The following ABCA13 variants were observed in gnomAD, a reference collection of about 807,000 sequenced individuals.
The protein encoded by ABCA13 is ATP binding cassette subfamily A member 13, also known as ATP-binding cassette sub-family A member 13.
ABCA13 carries 476 observed loss-of-function variants against 478.7 expected under a neutral mutation model. The observed-to-expected ratio is 0.99, with a 90% CI of 0.92 to 1.07. The LOEUF (loss-of-function observed/expected upper bound fraction) is 1.07, where lower values mean the gene tolerates loss of function less well. ABCA13 is among the 50% of genes least tolerant of loss of function. ABCA13 has a pLI of 0.00. For synonymous variants in ABCA13, 2,252 were observed against 2,158.9 expected (o/e 1.04, Z -1.20); for missense variants, 6,060 against 5,910.6 (o/e 1.03, Z -0.83).
chr7:48,400,606 G>A (rs1696532147), intron 38 of ABCA13, among the ~76,000 whole-genome samples: 1 of 152,092 alleles, frequency 6.6e-6, no homozygotes, highest in African/African-American at 2.4e-5. Context: ...AAAAACTTCT[G>A]GCCAGTGTTT....
chr7:48,514,280 C>T (rs1415121167), intron 51 of ABCA13, among the ~76,000 whole-genome samples: 6 of 152,126 alleles, frequency 3.9e-5, no homozygotes, highest in Non-Finnish European at 8.8e-5. Flanking sequence ...CCTAAACTCC[C>T]CTAAGTCCCA....
intron 48 of ABCA13, among the ~76,000 whole-genome samples, chr7:48,496,919 G>GT (rs1235231080): frequency 4.0e-5 from 6 of 150,844 alleles, no homozygotes; most frequent in Non-Finnish European, 5.9e-5. Flanking sequence ...GCTTTCTTTG[G>GT]TTTTATCCTA....
At chr7:48,510,898 G>T (rs963217561) in intron 50 of ABCA13, among the ~76,000 whole-genome samples, 186 bp from the exon 51 acceptor site, 3 of 151,874 alleles carry the variant, frequency 2.0e-5, no homozygotes, top group African/African-American at 7.2e-5. Flanking sequence ...TGTATAAATT[G>T]TGGGGGGGTA....
chr7:48,474,426 T>G (rs1827855944), intron 45 of ABCA13, among the ~76,000 whole-genome samples: 1 of 152,202 alleles, frequency 6.6e-6, no homozygotes, highest in Non-Finnish European at 1.5e-5. Flanking sequence ...ATGATTCTCC[T>G]GGAATTTGAG....
At chr7:48,342,127 G>A (rs532490946) in intron 29 of ABCA13, among the ~76,000 whole-genome samples, 4 of 151,130 alleles carry the variant, frequency 2.6e-5, no homozygotes, top group African/African-American at 9.7e-5. Context: ...TAAATATTTG[G>A]TATTATTTAT....
At chr7:48,489,802 A>G (rs1008990601) in intron 48 of ABCA13, among the ~76,000 whole-genome samples, 1 of 152,172 alleles carries the variant, frequency 6.6e-6, no homozygotes, top group African/African-American at 2.4e-5. Flanking sequence ...TTGATTCATT[A>G]TCTATGCTTT....
chr7:48,415,737 G>GA (rs968203541), intron 41 of ABCA13, among the ~76,000 whole-genome samples: 15 of 150,850 alleles, frequency 9.9e-5, no homozygotes, highest in Admixed American at 2.6e-4. Flanking sequence ...AAATATCACA[G>GA]AAAAAAAAAC....
At chr7:48,396,478 T>A (rs1010067843) in intron 38 of ABCA13, among the ~76,000 whole-genome samples, 1 of 152,164 alleles carries the variant, frequency 6.6e-6, no homozygotes, top group African/African-American at 2.4e-5. Context: ...GCCATGCAGC[T>A]CGGAGAGGGA....
At chr7:48,313,951 C>A (rs1802145875) in intron 25 of ABCA13, among the ~76,000 whole-genome samples, 1 of 150,540 alleles carries the variant, frequency 6.6e-6, no homozygotes, top group Admixed American at 6.6e-5. Context: ...TATTACTGGA[C>A]AAATAGTGTA....
chr7:48,343,859 G>A (rs1216788673), intron 29 of ABCA13, among the ~76,000 whole-genome samples: 2 of 152,044 alleles, frequency 1.3e-5, no homozygotes, highest in African/African-American at 4.8e-5. Context: ...TCCTCAATAT[G>A]ACCTTTCAAT....
intron 15 of ABCA13, among the ~76,000 whole-genome samples, chr7:48,257,933 A>T (rs1265012727): frequency 1.3e-5 from 2 of 151,390 alleles, no homozygotes; most frequent in Admixed American, 6.6e-5. Context: ...TTATTTATTT[A>T]TTTTTTTTGA....
chr7:48,510,415 G>A (rs1250110135), intron 50 of ABCA13, among the ~76,000 whole-genome samples: 2 of 152,184 alleles, frequency 1.3e-5, no homozygotes, highest in Non-Finnish European at 2.9e-5. Flanking sequence ...CCTGCAGGGA[G>A]CACCTTAAGG....
chr7:48,226,009 G>T (rs1423538479), intron 5 of ABCA13, among the ~76,000 whole-genome samples: 1 of 152,234 alleles, frequency 6.6e-6, no homozygotes, highest in African/African-American at 2.4e-5. Context: ...ATGGGGACAA[G>T]AAAGAGGTGT....
chr7:48,245,913 G>GGT lies in ABCA13; in HGVS notation c.1543_1544dup (p.Phe516SerfsTer29). 6.2e-7 allele frequency: 1 copy of GGT among 1,613,666 alleles called. No homozygotes were observed. Among genetic ancestry groups the GGT allele is most frequent in the Middle Eastern group, 1.7e-4 (1 of 6,060 alleles). On this transcript the variant is annotated frameshift_variant, in exon 13 of 62. Coordinates refer to ENST00000435803, the MANE Select transcript of ABCA13 (RefSeq NM_152701.5). LOFTEE classifies it high-confidence loss of function. ...CGAATGGTCGTTTCTCTGAGAAGGA[G>GGT]GTCTTTTTGCCGCCTGGAAACTCCA...
intron 19 of ABCA13, among the ~76,000 whole-genome samples, chr7:48,287,069 G>A (rs1354814220): frequency 1.3e-5 from 2 of 151,222 alleles, no homozygotes; most frequent in South Asian, 2.1e-4. Flanking sequence ...AGGCATCTGC[G>A]CAGCAGGGAG....
chr7:48,346,426 A>G (rs1267860459), intron 29 of ABCA13, among the ~76,000 whole-genome samples: 1 of 151,912 alleles, frequency 6.6e-6, no homozygotes, highest in Non-Finnish European at 1.5e-5. Flanking sequence ...CAAATAACAA[A>G]TGGTCAGCAA....
intron 9 of ABCA13, 144 bp downstream of exon 9, chr7:48,239,549 A>AT: frequency 2.1e-6 from 2 of 958,212 alleles, no homozygotes; most frequent in Non-Finnish European, 3.0e-6. Flanking sequence ...CATCCTGGCC[A>AT]TTGAGTGCAC....
chr7:48,626,960 G>A (rs1388972063), intron 59 of ABCA13: 1 of 985,290 alleles, frequency 1.0e-6, no homozygotes, highest in Non-Finnish European at 1.2e-6. Flanking sequence ...GCGTATGGTT[G>A]AGACGGAGGA....
At chr7:48,211,968 T>G (rs1417098443) in intron 3 of ABCA13, among the ~76,000 whole-genome samples, 1 of 151,972 alleles carries the variant, frequency 6.6e-6, no homozygotes, top group Non-Finnish European at 1.5e-5. Flanking sequence ...GGTATTGCAT[T>G]GGTACTGCAA....
Sources: allele counts gnomAD v4.1 joint callset (sites outside exome capture counted in the v4.1 genomes callset), GRCh38; gene constraint gnomAD v4.1.1; transcripts MANE v1.5; gene names NCBI Gene and HGNC (gene_info 2026-07-23, HGNC 2026-07-21).